The following TMEFF2 variants were observed in gnomAD, a reference collection of about 807,000 sequenced individuals.
TMEFF2 encodes the protein transmembrane protein with EGF like and two follistatin like domains 2.
A neutral mutation model predicts 53.8 loss-of-function variants in TMEFF2; 28 were observed. That is an observed-to-expected ratio of 0.52 (90% confidence interval 0.39 to 0.71). TMEFF2 has a LOEUF of 0.71. TMEFF2 is among the 30% of genes least tolerant of loss of function. The probability of loss-of-function intolerance (pLI) is 0.00; values close to 1 mark genes in which losing one functional copy is unlikely to be tolerated. For synonymous variants in TMEFF2, 162 were observed against 166.3 expected (o/e 0.97, Z 0.20); for missense variants, 353 against 455.2 (o/e 0.78, Z 2.04).
At position 191,953,952 on chromosome 2, in the gene TMEFF2, C is replaced by G. The variant is rs930541192; in HGVS notation, c.870-115G>C. ...TCGCCCAGGCTGGAGTGCAGTGGCG[C>G]ATCTCGGCTCACTGCAAGTTCCGCC... On this transcript the variant is annotated intron_variant, in intron 8 of 9. Transcript: ENST00000272771. The G allele has an allele frequency of 5.3e-5, 47 of 887,506 alleles. 1 individual carries two copies. Among genetic ancestry groups the G allele is most frequent in the East Asian group, 1.5e-4 (5 of 32,262 alleles). The allele number at this position is 887,506 out of a possible 1,614,324, so 55.0% of individuals were successfully genotyped here. A position where few individuals can be genotyped will look rare whatever the true frequency, so the allele number is the denominator to read the frequency against.
chr2:191,988,272 T>C (rs1417483215), intron 7 of TMEFF2, among the ~76,000 whole-genome samples: 1 of 152,210 alleles, frequency 6.6e-6, no homozygotes, highest in African/African-American at 2.4e-5. Flanking sequence ...CATGCTTCTA[T>C]AGCTATATTT....
intron 4 of TMEFF2, among the ~76,000 whole-genome samples, chr2:192,101,326 G>A (rs1449222917): frequency 2.0e-5 from 3 of 152,098 alleles, no homozygotes; most frequent in Non-Finnish European, 4.4e-5. Flanking sequence ...GTCATGTGCA[G>A]AGGCAATTGA....
At chr2:192,145,849 C>A (rs1690238644) in intron 4 of TMEFF2, among the ~76,000 whole-genome samples, 1 of 151,978 alleles carries the variant, frequency 6.6e-6, no homozygotes, top group African/African-American at 2.4e-5. Context: ...CAACATCTTG[C>A]AAGCACCATA....
At position 192,115,581 on chromosome 2, in the gene TMEFF2, G is replaced by A. The variant is rs540627528; in HGVS notation, c.440-57806C>T. Among the ~76,000 whole-genome samples, 10 of 152,038 alleles carry A rather than the reference G, an allele frequency of 6.6e-5. No individual in the cohort carries two copies. In the South Asian group the frequency reaches 1.2e-3, roughly 19 times the overall value. ...GTGGGAGAAAATATTTGCCAGCCACGTATATGAGAAGGGGTTAATATTCAA... is the reference window on the plus strand; with the variant it reads ...GTGGGAGAAAATATTTGCCAGCCACATATATGAGAAGGGGTTAATATTCAA... On this transcript the variant is annotated intron_variant, in intron 4 of 9. Transcript: ENST00000272771.
chr2:192,118,132 C>T (rs111580145), intron 4 of TMEFF2, among the ~76,000 whole-genome samples: 30 of 151,796 alleles, frequency 2.0e-4, no homozygotes, highest in Non-Finnish European at 4.1e-4. Context: ...ATGATTTACT[C>T]CATAAAGGTA....
intron 4 of TMEFF2, among the ~76,000 whole-genome samples, chr2:192,086,230 G>A (rs1230171974): frequency 6.6e-6 from 1 of 151,998 alleles, no homozygotes; most frequent in Admixed American, 6.6e-5. Flanking sequence ...ACTTATTTTT[G>A]CCTTCATAAT....
intron 4 of TMEFF2, among the ~76,000 whole-genome samples, chr2:192,131,263 C>A (rs1184145500): frequency 1.3e-5 from 2 of 148,380 alleles, no homozygotes; most frequent in African/African-American, 5.0e-5. Flanking sequence ...CCCCTTCTCT[C>A]ATTGTCTCTA....
At chr2:191,950,888 C>T (rs897561795) in intron 9 of TMEFF2, among the ~76,000 whole-genome samples, 6 of 152,114 alleles carry the variant, frequency 3.9e-5, no homozygotes, top group African/African-American at 1.4e-4. Context: ...TTTGGACCAG[C>T]CTAATATCAT....
At chr2:192,078,808 C>T in intron 4 of TMEFF2, among the ~76,000 whole-genome samples, 1 of 152,164 alleles carries the variant, frequency 6.6e-6, no homozygotes, top group East Asian at 1.9e-4. Context: ...GTTTCTCAAA[C>T]TTAAGAGCAC....
rs1691837802 is a variant in TMEFF2 at position 191,950,414 on chromosome 2, G to A, written c.1029-7C>T. ...GTTGCTTCTGGGGCATTTCCTGGAA[G>A]GTTGGAAAGTTTACAAATCTCAGTC... On this transcript the variant is annotated splice_region_variant and splice_polypyrimidine_tract_variant and intron_variant, in intron 9 of 9. Coordinates refer to ENST00000272771, the MANE Select transcript of TMEFF2 (RefSeq NM_016192.4). The A allele has an allele frequency of 6.2e-7, 1 of 1,613,888 alleles. No individual in the cohort carries two copies. The highest frequency in any genetic ancestry group is 1.1e-5 in the South Asian group (1 of 91,068).
At chr2:192,075,290 T>TATATATATATATATAA (rs1382913167) in intron 4 of TMEFF2, among the ~76,000 whole-genome samples, 2 of 25,392 alleles carry the variant, frequency 7.9e-5, no homozygotes, top group East Asian at 6.3e-4. Context: ...TACTATTATA[T>TATATATATATATATAA]ATATATATAT....
Position 191,949,439 on chromosome 2 carries a change from A to G in TMEFF2, c.*872T>C. 4 of 985,378 alleles carry G rather than the reference A, an allele frequency of 4.1e-6. No individual in the cohort carries two copies. Among genetic ancestry groups the G allele is most frequent in the Non-Finnish European group, 3.6e-6 (3 of 829,888 alleles). 61.0% of individuals were successfully genotyped at this position (985,378 alleles called of 1,614,324 possible). ...CTTTTCAAAGAACTATATACTATAC[A>G]TATTGTATGGTGCTTTTGAGAATTC... On this transcript the variant is annotated 3_prime_UTR_variant, in exon 10 of 10. Coordinates refer to ENST00000272771, the MANE Select transcript of TMEFF2 (RefSeq NM_016192.4).
At chr2:192,080,278 G>A (rs1201608848) in intron 4 of TMEFF2, among the ~76,000 whole-genome samples, 1 of 152,166 alleles carries the variant, frequency 6.6e-6, no homozygotes, top group Non-Finnish European at 1.5e-5. Flanking sequence ...ACCAGGTGGA[G>A]GTAATTGAAT....
At chr2:191,979,404 G>A (rs1280946661) in intron 7 of TMEFF2, among the ~76,000 whole-genome samples, 1 of 152,110 alleles carries the variant, frequency 6.6e-6, no homozygotes, top group African/African-American at 2.4e-5. Context: ...TTTAGGTTTG[G>A]ATTTTGGCCA....
intron 5 of TMEFF2, among the ~76,000 whole-genome samples, chr2:192,006,375 TC>T: frequency 6.6e-6 from 1 of 152,122 alleles, no homozygotes; most frequent in East Asian, 1.9e-4. Context: ...CCCTGGGTGG[TC>T]CCAGGACTTC....
intron 4 of TMEFF2, among the ~76,000 whole-genome samples, chr2:192,074,941 ATG>A (rs1331733970): frequency 1.3e-5 from 2 of 151,976 alleles, no homozygotes; most frequent in East Asian, 3.9e-4. Context: ...TGGTGTGTCT[ATG>A]TGTGTTATTT....
intron 5 of TMEFF2, among the ~76,000 whole-genome samples, chr2:192,016,504 T>A (rs942709269): frequency 6.6e-6 from 1 of 152,216 alleles, no homozygotes; most frequent in Non-Finnish European, 1.5e-5. Context: ...TAATACTGAC[T>A]CCTGGCTTAA....
chr2:192,164,377 A>T (rs1249910396), intron 4 of TMEFF2, among the ~76,000 whole-genome samples: 1 of 152,100 alleles, frequency 6.6e-6, no homozygotes, highest in African/African-American at 2.4e-5. Flanking sequence ...TTCAGTGAAA[A>T]TCTCACTCTT....
chr2:192,009,168 C>T (rs535059517), intron 5 of TMEFF2, among the ~76,000 whole-genome samples: 11 of 152,166 alleles, frequency 7.2e-5, no homozygotes, highest in Non-Finnish European at 1.2e-4. Context: ...ATTAGATAAT[C>T]GAGTCAGTTA....
Sources: allele counts gnomAD v4.1 joint callset (sites outside exome capture counted in the v4.1 genomes callset), GRCh38; gene constraint gnomAD v4.1.1; transcripts MANE v1.5; gene names NCBI Gene and HGNC (gene_info 2026-07-23, HGNC 2026-07-21).